Variants in ZNF654 observed in about 807,000 individuals in gnomAD.
ZNF654 encodes melanoma-associated antigen.
In ZNF654, 19 loss-of-function variants were observed where a neutral mutation model predicts 95.3. The ratio of observed to expected loss-of-function variants is 0.20; its 90% CI spans 0.14 to 0.29. The LOEUF is 0.29. Ranked by LOEUF, ZNF654 falls within the 10% of genes least tolerant of loss-of-function variation. The pLI, the probability that ZNF654 is intolerant of heterozygous loss-of-function variation, is 1.00. For synonymous variants in ZNF654, 413 were observed against 457.9 expected (o/e 0.90, Z 1.25); for missense variants, 1,046 against 1,341.0 (o/e 0.78, Z 3.44).
At chr3:88,066,519 A>C (rs1466318146) in intron 1 of ZNF654, among the ~76,000 whole-genome samples, 3 of 152,194 alleles carry the variant, frequency 2.0e-5, no homozygotes, top group Non-Finnish European at 4.4e-5. Context: ...GTTTGCAGTC[A>C]GCTGAGATCT....
chr3:88,139,852 A>C lies in ZNF654; in HGVS notation c.2183A>C (p.Asn728Thr). The change falls in exon 8 of 9, where the codon AAT becomes ACT. Residue 728 changes from asparagine to threonine, a missense_variant. This residue lies in a region of ZNF654 where 495 missense variants were observed against 537.0 expected (regional missense o/e 0.92). Transcript: ENST00000636215. ...NQETSVIHKINGTVCHPKDIY... is the reference protein window; with the variant it reads ...NQETSVIHKITGTVCHPKDIY... ...GAAACTTCAGTAATTCATAAAATCA[A>C]TGGAACTGTGTGCCATCCAAAAGAC... is the stretch of plus-strand genomic sequence containing the variant. 6.3e-7 allele frequency: 1 copy of C among 1,593,844 alleles called. No individual in the cohort carries two copies. Among genetic ancestry groups the C allele is most frequent in the Non-Finnish European group, 8.6e-7 (1 of 1,169,380 alleles).
At chr3:88,085,525 A>AT (rs1708294776) in intron 1 of ZNF654, among the ~76,000 whole-genome samples, 2 of 152,204 alleles carry the variant, frequency 1.3e-5, no homozygotes, top group Non-Finnish European at 2.9e-5. Context: ...GTAGTTTTAG[A>AT]TGATGGATTT....
At chr3:88,129,113 T>A (rs1324688889) in intron 5 of ZNF654, 102 bp downstream of exon 5, 8 of 798,430 alleles carry the variant, frequency 1.0e-5, no homozygotes, top group Non-Finnish European at 1.3e-5. Flanking sequence ...CCTTTTACAG[T>A]AATGCCAAAG....
At chr3:88,086,156 G>A (rs551314576) in intron 1 of ZNF654, 101 bp from the exon 2 acceptor site, 22 of 1,074,622 alleles carry the variant, frequency 2.0e-5, no homozygotes, top group African/African-American at 9.5e-5. Flanking sequence ...TGTTCATGCC[G>A]ATCTAATATT....
In ZNF654 at chr3:88,093,812, G is replaced by C. The variant is rs570639453; in HGVS notation, c.332+7410G>C. Reference sequence around the variant, plus strand: ...TTTCAACTAATTTAGGAAATGACTTGGAAATAAAGGAAGAAAGGCTAATTA... The same window carrying C: ...TTTCAACTAATTTAGGAAATGACTTCGAAATAAAGGAAGAAAGGCTAATTA... On this transcript the variant is annotated intron_variant, in intron 2 of 8. Transcript: ENST00000636215. Among the ~76,000 whole-genome samples, 3 of 152,258 alleles carry C rather than the reference G, an allele frequency of 2.0e-5. No homozygotes were observed. The South Asian group carries it at 6.2e-4, about 32-fold the overall frequency.
At position 88,124,692 on chromosome 3, in the gene ZNF654, C is replaced by T. The variant is rs1576327928; in HGVS notation, c.415-1442C>T. ...AAGCTTTGCTTTATAACTGCTACTACGTTTTTAATATCAGAGATTTTGTGA... is the reference window on the plus strand; with the variant it reads ...AAGCTTTGCTTTATAACTGCTACTATGTTTTTAATATCAGAGATTTTGTGA... On this transcript the variant is annotated intron_variant, in intron 3 of 8. Transcript: ENST00000636215. Among the ~76,000 whole-genome samples the T allele has an allele frequency of 4.6e-5, 7 of 151,358 alleles. No individual in the cohort carries two copies. The South Asian group carries it at 6.2e-4, about 13-fold the overall frequency.
At chr3:88,096,500 C>A (rs1704068849) in intron 2 of ZNF654, among the ~76,000 whole-genome samples, 1 of 152,126 alleles carries the variant, frequency 6.6e-6, no homozygotes, top group South Asian at 2.1e-4. Context: ...TTAGCCAAAA[C>A]TAACCAGAAC....
At chr3:88,125,623 C>T (rs1706053291) in intron 3 of ZNF654, among the ~76,000 whole-genome samples, 1 of 152,054 alleles carries the variant, frequency 6.6e-6, no homozygotes, top group Non-Finnish European at 1.5e-5. Flanking sequence ...ACAGAATCTC[C>T]ATCTTCCAGC....
chr3:88,084,840 C>T (rs1708254156), intron 1 of ZNF654, among the ~76,000 whole-genome samples: 1 of 152,084 alleles, frequency 6.6e-6, no homozygotes, highest in Admixed American at 6.6e-5. Flanking sequence ...ACATGGTAGC[C>T]CAAGTGGATG....
intron 1 of ZNF654, among the ~76,000 whole-genome samples, chr3:88,066,556 T>G (rs1363453794): frequency 6.6e-6 from 1 of 151,774 alleles, no homozygotes; most frequent in Non-Finnish European, 1.5e-5. Context: ...AGCGAGACTG[T>G]GTAAAACAAA....
chr3:88,091,419 G>A (rs185723153), intron 2 of ZNF654, among the ~76,000 whole-genome samples: 8 of 152,076 alleles, frequency 5.3e-5, no homozygotes, highest in Non-Finnish European at 7.4e-5. Context: ...TAAATTATTC[G>A]TAAGGAAGAA....
chr3:88,109,142 A>AGTGTGTGTGTGTGTGTGTGTGTGTGT (rs35595112), intron 2 of ZNF654, among the ~76,000 whole-genome samples: 3 of 142,434 alleles, frequency 2.1e-5, no homozygotes, highest in Non-Finnish European at 4.6e-5. Flanking sequence ...AGTGGGCACT[A>AGTGTGTGTGTGTGTGTGTGTGTGTGT]GTGTGTGTGT....
chr3:88,117,952 A>G (rs1705512579), intron 3 of ZNF654, among the ~76,000 whole-genome samples: 2 of 152,068 alleles, frequency 1.3e-5, no homozygotes, highest in Non-Finnish European at 2.9e-5. Flanking sequence ...GATTAAAAAA[A>G]AAAAACAACC....
chr3:88,120,707 T>TA lies in ZNF654; in HGVS notation c.415-5426dup, dbSNP rs1458512866. On this transcript the variant is annotated intron_variant, in intron 3 of 8. Coordinates refer to ENST00000636215, the MANE Select transcript of ZNF654 (RefSeq NM_001350134.2). ...ATATCCTCTTTATGCGTATATTACT[T>TA]ACGCACATGTACTCATACTATATAC... Among the ~76,000 whole-genome samples, 9 of 152,298 alleles carry TA rather than the reference T, an allele frequency of 5.9e-5. No homozygotes were observed. The East Asian group carries it at 1.7e-3, about 29-fold the overall frequency.
chr3:88,142,828 T>C lies in ZNF654; in HGVS notation c.*1176T>C, dbSNP rs1175215513. The C allele has an allele frequency of 1.3e-5, 2 of 152,258 alleles. No individual in the cohort carries two copies. The highest frequency in any genetic ancestry group is 4.8e-5 in the African/African-American group (2 of 41,424). 9.4% of individuals were successfully genotyped at this position (152,258 alleles called of 1,614,324 possible). ...CACAAGAACACAGTAAGAGATACAT[T>C]CAAGCATTGTTTTCCTTAGTGATGT... On this transcript the variant is annotated 3_prime_UTR_variant, in exon 9 of 9. Coordinates refer to ENST00000636215, the MANE Select transcript of ZNF654 (RefSeq NM_001350134.2).
Position 88,139,301 on chromosome 3 carries a change from G to T in ZNF654, c.1632G>T (p.Arg544Ser). The T allele has an allele frequency of 6.3e-7, 1 of 1,582,634 alleles. No individual in the cohort carries two copies. Among genetic ancestry groups the T allele is most frequent in the Non-Finnish European group, 8.6e-7 (1 of 1,168,296 alleles). Residue 544 changes from arginine to serine, a missense_variant, in exon 8 of 9, where the codon AGG becomes AGT. By Grantham distance (110) the Arg-to-Ser change is moderately radical. Around this residue, in one of 9 missense-constraint regions of ZNF654, gnomAD observed 100 missense variants for 108.9 expected, o/e 0.92. Transcript: ENST00000636215. The part of the protein sequence containing the change: ...STSKVDHNVP[R>S]HRCMLCNKEF... Reference sequence around the variant, plus strand: ...CCAAAGTAGATCACAATGTCCCAAGGCATCGTTGTATGTTATGTAACAAGG... The same window carrying T: ...CCAAAGTAGATCACAATGTCCCAAGTCATCGTTGTATGTTATGTAACAAGG...
intron 4 of ZNF654, among the ~76,000 whole-genome samples, chr3:88,128,426 TAAAG>T (rs1706248803): frequency 2.0e-5 from 3 of 152,230 alleles, no homozygotes; most frequent in Non-Finnish European, 4.4e-5. Context: ...CTTTTAATCT[TAAAG>T]AAAATATTGA....
chr3:88,112,895 T>C lies in ZNF654; in HGVS notation c.333-220T>C, dbSNP rs529990120. On this transcript the variant is annotated intron_variant, in intron 2 of 8. Transcript: ENST00000636215. Reference sequence around the variant, plus strand: ...TGAGTAGTATAATTGTTTCATTCTATAGTTCTAAAACTTAAGTATATTTCT... The same window carrying C: ...TGAGTAGTATAATTGTTTCATTCTACAGTTCTAAAACTTAAGTATATTTCT... Among the ~76,000 whole-genome samples, 9 of 152,234 alleles carry C rather than the reference T, an allele frequency of 5.9e-5. No individual in the cohort carries two copies. The South Asian group carries it at 1.7e-3, about 28-fold the overall frequency.
At chr3:88,108,236 A>G (rs938564257) in intron 2 of ZNF654, among the ~76,000 whole-genome samples, 3 of 152,104 alleles carry the variant, frequency 2.0e-5, no homozygotes, top group African/African-American at 7.2e-5. Context: ...CTTAGCTCCA[A>G]GTTCACACTG....
Sources: gnomAD v4.1 joint callset for allele counts (sites outside exome capture counted in the v4.1 genomes callset) on GRCh38, gnomAD v4.1.1 for gene constraint, gnomAD v4.1.1 regional missense constraint, MANE v1.5 for transcripts, NCBI Gene and HGNC (gene_info 2026-07-23, HGNC 2026-07-21) for gene names.